MARCO: variants seen among roughly 807,000 people sequenced by gnomAD.
The protein encoded by MARCO is macrophage receptor MARCO.
In MARCO, 72 loss-of-function variants were observed where a neutral mutation model predicts 70.0. That is an observed-to-expected ratio of 1.03 (90% CI 0.85 to 1.25). The LOEUF (loss-of-function observed/expected upper bound fraction) is 1.25. Ranked by LOEUF, MARCO falls within the 50% of genes most tolerant of loss-of-function variation. MARCO has a pLI of 0.00. For synonymous variants in MARCO, 273 were observed against 243.1 expected (o/e 1.12, Z -1.14); for missense variants, 696 against 659.3 (o/e 1.06, Z -0.61).
Position 118,977,945 on chromosome 2 carries a change from G to A in MARCO, c.766+10G>A, listed in dbSNP as rs1042966143. 23 of 1,568,344 alleles carry A rather than the reference G, an allele frequency of 1.5e-5. No homozygotes were observed. The highest frequency in any genetic ancestry group is 1.8e-5 in the Admixed American group (1 of 56,496). ...GACCTGGGTCTCCCAGGTGAGGGCC[G>A]TATTGGGGGTGTCGGTGCTTGCCAG... On this transcript the variant is annotated intron_variant, in intron 8 of 16. Transcript: ENST00000327097.
chr2:118,947,407 C>T (rs569151068), intron 1 of MARCO, among the ~76,000 whole-genome samples: 2 of 152,288 alleles, frequency 1.3e-5, no homozygotes, highest in South Asian at 4.2e-4. Context: ...AACTCATGGG[C>T]TCATGTGATC....
At chr2:118,977,999 C>T in intron 8 of MARCO, 64 bp downstream of exon 8, 1 of 1,107,498 alleles carries the variant, frequency 9.0e-7, no homozygotes, top group South Asian at 1.4e-5. Flanking sequence ...GGCCTGACCT[C>T]TGTGCCATTG....
At chr2:118,970,645 G>A (rs780056205) in intron 3 of MARCO, among the ~76,000 whole-genome samples, 4 of 152,184 alleles carry the variant, frequency 2.6e-5, no homozygotes, top group Non-Finnish European at 4.4e-5. Flanking sequence ...GACAATGTGG[G>A]GACTTTGTGG....
chr2:118,981,762 C>A, intron 10 of MARCO, 106 bp downstream of exon 10: 1 of 1,174,914 alleles, frequency 8.5e-7, no homozygotes, highest in Non-Finnish European at 1.2e-6. Context: ...AGTATTCACC[C>A]AGAACACCTG....
intron 16 of MARCO, among the ~76,000 whole-genome samples, chr2:118,994,151 T>A (rs1680676430): frequency 6.6e-6 from 1 of 152,062 alleles, no homozygotes. Context: ...ATGAGACTTT[T>A]GTCAAAGGGT....
rs773096280 is a variant in MARCO at position 118,982,658 on chromosome 2, G to A, written c.1063+248G>A. 1.1e-4 allele frequency among the ~76,000 whole-genome samples: 17 copies of A among 152,280 alleles called. No individual in the cohort carries two copies. In the Middle Eastern group the frequency reaches 0.01, roughly 91 times the overall value. On this transcript the variant is annotated intron_variant, in intron 12 of 16. Transcript: ENST00000327097. ...GCCATGACCAAACCTCCAGCATCAC[G>A]GAGGAGAGCAAAGCACCTTGCCCAT...
intron 12 of MARCO, among the ~76,000 whole-genome samples, chr2:118,986,607 AAG>A (rs1491220186): frequency 1.8e-4 from 3 of 16,502 alleles, no homozygotes; most frequent in African/African-American, 7.9e-4. Context: ...GAAAGAAAGA[AAG>A]AAAGAAAGAA....
Position 118,973,744 on chromosome 2 carries a change from G to C in MARCO, c.461-589G>C, listed in dbSNP as rs1168156024. On this transcript the variant is annotated intron_variant, in intron 4 of 16. Coordinates refer to ENST00000327097, the MANE Select transcript of MARCO (RefSeq NM_006770.4). ...TCCCACGCAGGCTGCCTGGAACACA[G>C]TCAGGGGAACTGCTCCTCAGCCAAG... 2.0e-5 allele frequency among the ~76,000 whole-genome samples: 3 copies of C among 152,204 alleles called. No homozygotes were observed. In the East Asian group the frequency reaches 5.8e-4, roughly 29 times the overall value.
chr2:118,994,616 G>C lies in MARCO; in HGVS notation c.*96G>C. On this transcript the variant is annotated 3_prime_UTR_variant, in exon 17 of 17. Coordinates refer to ENST00000327097, the MANE Select transcript of MARCO (RefSeq NM_006770.4). ...TGAGGAGTTCCCTGGGGACAACTGA[G>C]CAGCCTCTGGAGAGGGGCCATTAAT... 1 of 1,292,010 alleles carries C rather than the reference G, an allele frequency of 7.7e-7. No individual in the cohort carries two copies. 80.0% of individuals were successfully genotyped at this position (1,292,010 alleles called of 1,614,324 possible).
chr2:118,982,205 C>T lies in MARCO; in HGVS notation c.951C>T (p.His317=), dbSNP rs747129563. Residue 317 remains histidine, a synonymous_variant, in exon 11 of 17, where the codon CAC becomes CAT. Coordinates refer to ENST00000327097, the MANE Select transcript of MARCO (RefSeq NM_006770.4). ...GVPGPPGAVG[H]PGAKGEPGSA... is the part of the protein sequence containing the mutation. ...CGGGCCCTCCTGGTGCAGTGGGACA[C>T]CCAGGTGCCAAGGGTGAGCCTGGCA... is the stretch of plus-strand genomic sequence containing the variant. 6.2e-7 allele frequency: 1 copy of T among 1,613,394 alleles called. No individual in the cohort carries two copies. Among genetic ancestry groups the T allele is most frequent in the South Asian group, 1.1e-5 (1 of 91,040 alleles).
At chr2:118,945,909 A>G (rs1679588927) in intron 1 of MARCO, among the ~76,000 whole-genome samples, 1 of 152,148 alleles carries the variant, frequency 6.6e-6, no homozygotes, top group Admixed American at 6.5e-5. Flanking sequence ...TCCCACCCTT[A>G]ACATACTCTA....
chr2:118,974,334 T>G lies in MARCO; in HGVS notation c.462T>G (p.Gly154=), dbSNP rs1291543066. The change falls in exon 5 of 17, where the codon GGT becomes GGG. Residue 154 remains glycine, a splice_region_variant and synonymous_variant. Transcript: ENST00000327097. The part of the protein sequence containing the change: ...FRIKGEQGAP[G]LQGHKGAMGM... The stretch of plus-strand genomic sequence containing the variant: ...AGTGTCTCTGTTCCTCTTCCTCAGG[T>G]CTTCAAGGTCACAAGGGGGCCATGG... The G allele has an allele frequency of 6.3e-7, 1 of 1,588,984 alleles. No individual in the cohort carries two copies. Among genetic ancestry groups the G allele is most frequent in the African/African-American group, 1.3e-5 (1 of 74,500 alleles).
At chr2:118,952,024 C>T (rs1679732107) in intron 1 of MARCO, among the ~76,000 whole-genome samples, 1 of 152,140 alleles carries the variant, frequency 6.6e-6, no homozygotes, top group Admixed American at 6.5e-5. Context: ...TATGTTGCTG[C>T]TCTCCCTTCT....
intron 1 of MARCO, among the ~76,000 whole-genome samples, chr2:118,961,563 G>A (rs901632563): frequency 4.6e-5 from 7 of 151,904 alleles, no homozygotes; most frequent in Non-Finnish European, 7.4e-5. Context: ...TTTTAATGAG[G>A]TTGTTTTTTT....
At chr2:118,948,528 C>T (rs6731924) in intron 1 of MARCO, among the ~76,000 whole-genome samples, 5,702 of 152,262 alleles carry the variant, frequency 0.037, 367 homozygotes, top group African/African-American at 0.13. Flanking sequence ...GAGTTATTAA[C>T]GCAAAGCAAG....
chr2:118,972,318 A>C (rs1283209795), intron 4 of MARCO, among the ~76,000 whole-genome samples: 2 of 152,186 alleles, frequency 1.3e-5, no homozygotes, highest in Non-Finnish European at 2.9e-5. Flanking sequence ...CCTGAGGATA[A>C]ATATACATGC....
chr2:118,969,758 C>T (rs1410381720), intron 2 of MARCO, among the ~76,000 whole-genome samples: 1 of 152,202 alleles, frequency 6.6e-6, no homozygotes, highest in Non-Finnish European at 1.5e-5. Context: ...AGATCACACA[C>T]GAATGCTGCT....
intron 1 of MARCO, among the ~76,000 whole-genome samples, chr2:118,950,211 T>C (rs930314660): frequency 6.6e-6 from 1 of 152,216 alleles, no homozygotes; most frequent in African/African-American, 2.4e-5. Context: ...AATAAAACCT[T>C]GTTGACATAT....
At chr2:118,986,613 G>T (rs1680494013) in intron 12 of MARCO, among the ~76,000 whole-genome samples, 1 of 20,392 alleles carries the variant, frequency 4.9e-5, no homozygotes, top group Non-Finnish European at 8.2e-5. Context: ...AAGAAAGAAA[G>T]AAAGAAAGAA....
Sources: gnomAD v4.1 joint callset for allele counts (sites outside exome capture counted in the v4.1 genomes callset) on GRCh38, gnomAD v4.1.1 for gene constraint, MANE v1.5 for transcripts, NCBI Gene and HGNC (gene_info 2026-07-23, HGNC 2026-07-21) for gene names.